MLLT3: variants seen among roughly 807,000 people sequenced by gnomAD.
MLLT3 encodes the protein protein AF-9.
In MLLT3, 4 loss-of-function variants were observed where a neutral mutation model predicts 53.2. The observed-to-expected ratio is 0.08, with a 90% confidence interval of 0.04 to 0.17. The LOEUF (loss-of-function observed/expected upper bound fraction) is 0.17. Ranked by LOEUF, MLLT3 falls within the 10% of genes least tolerant of loss-of-function variation. The pLI is 1.00. For missense variants in MLLT3, 569 were observed against 684.0 expected, an observed-to-expected ratio of 0.83 and a Z score of 1.87; for synonymous variants, 283 against 230.6, an observed-to-expected ratio of 1.23 and a Z score of -2.06.
At chr9:20,587,828 A>T (rs1259249816) in intron 2 of MLLT3, among the ~76,000 whole-genome samples, 1 of 152,146 alleles carries the variant, frequency 6.6e-6, no homozygotes, top group Non-Finnish European at 1.5e-5. Context: ...TTTGCTGTGC[A>T]GAAGCTCTTT....
Position 20,592,685 on chromosome 9 carries a change from T to C in MLLT3, c.193+27969A>G, listed in dbSNP as rs540706939. ...TGGCTATAATTTTTATAACTTAAAG[T>C]AATCATTACTTCAAAAACTTTGAAA... On this transcript the variant is annotated intron_variant, in intron 2 of 10. Coordinates refer to ENST00000380338, the MANE Select transcript of MLLT3 (RefSeq NM_004529.4). Among the ~76,000 whole-genome samples the C allele has an allele frequency of 3.3e-5, 5 of 152,234 alleles. No individual in the cohort carries two copies. In the South Asian group the frequency reaches 8.3e-4, roughly 25 times the overall value.
At chr9:20,584,521 G>C (rs1334434478) in intron 2 of MLLT3, among the ~76,000 whole-genome samples, 2 of 152,140 alleles carry the variant, frequency 1.3e-5, no homozygotes. Context: ...GGTTTAATTG[G>C]ACTTACAGTT....
At chr9:20,355,846 T>C (rs1821158910) in intron 8 of MLLT3, among the ~76,000 whole-genome samples, 2 of 152,244 alleles carry the variant, frequency 1.3e-5, no homozygotes, top group Non-Finnish European at 2.9e-5. Context: ...TTTATATTCC[T>C]ACTGTTCTCT....
intron 2 of MLLT3, among the ~76,000 whole-genome samples, chr9:20,582,956 C>G (rs1819838890): frequency 6.6e-6 from 1 of 152,208 alleles, no homozygotes; most frequent in South Asian, 2.1e-4. Flanking sequence ...CATGCCTTCC[C>G]AATACTCCCC....
At chr9:20,566,054 T>A (rs11791557) in intron 2 of MLLT3, among the ~76,000 whole-genome samples, 36 of 106,040 alleles carry the variant, frequency 3.4e-4, no homozygotes, top group Non-Finnish European at 2.1e-4. Context: ...ATATATATAT[T>A]TATATATATA....
chr9:20,346,427 TC>T lies in MLLT3; in HGVS notation c.*15del, dbSNP rs1563930275. 6.5e-7 allele frequency: 1 copy of T among 1,536,976 alleles called. No homozygotes were observed. The highest frequency in any genetic ancestry group is 2.3e-5 in the East Asian group (1 of 43,196). ...AAAAAACACAATAGTTCTTGATGCA[TC>T]CAGTTGTTATATCCTCAGGATGTTC... is the stretch of plus-strand genomic sequence containing the variant. On this transcript the variant is annotated 3_prime_UTR_variant, in exon 11 of 11. Coordinates refer to ENST00000380338, the MANE Select transcript of MLLT3 (RefSeq NM_004529.4).
At chr9:20,537,382 T>A (rs1818515553) in intron 2 of MLLT3, among the ~76,000 whole-genome samples, 1 of 152,228 alleles carries the variant, frequency 6.6e-6, no homozygotes, top group African/African-American at 2.4e-5. Flanking sequence ...GTATTCTTTT[T>A]GTACAAGAAA....
At chr9:20,609,392 C>G (rs910993378) in intron 2 of MLLT3, among the ~76,000 whole-genome samples, 2 of 152,052 alleles carry the variant, frequency 1.3e-5, no homozygotes, top group African/African-American at 4.8e-5. Flanking sequence ...ATACTTTCTT[C>G]TAATCTGTTC....
rs7866315 is a variant in MLLT3 at position 20,445,349 on chromosome 9, A to T, written c.420+2774T>A. 5.6e-3 allele frequency among the ~76,000 whole-genome samples: 850 copies of T among 152,266 alleles called. 8 individuals are homozygous for T. The highest frequency in any genetic ancestry group is 0.019 in the African/African-American group (802 of 41,546). ...AAACACAGGGTATATTTCTTCCAAG[A>T]GGGACATACACCAAGTTTTGAGACT... On this transcript the variant is annotated intron_variant, in intron 4 of 10. Coordinates refer to ENST00000380338, the MANE Select transcript of MLLT3 (RefSeq NM_004529.4).
intron 4 of MLLT3, among the ~76,000 whole-genome samples, chr9:20,445,482 A>T (rs1221769000): frequency 1.3e-5 from 2 of 152,208 alleles, no homozygotes; most frequent in South Asian, 2.1e-4. Flanking sequence ...TAGATTATGA[A>T]GTAGAAAAAA....
At chr9:20,586,466 C>T (rs900917125) in intron 2 of MLLT3, among the ~76,000 whole-genome samples, 1 of 151,420 alleles carries the variant, frequency 6.6e-6, no homozygotes, top group African/African-American at 2.4e-5. Context: ...TCACTGACTT[C>T]GTACATAACC....
In MLLT3 at chr9:20,413,995, C is replaced by T. The variant is rs1181780515; in HGVS notation, c.851G>A (p.Arg284Lys). The T allele has an allele frequency of 6.2e-7, 1 of 1,613,986 alleles. No individual in the cohort carries two copies. Among genetic ancestry groups the T allele is most frequent in the African/African-American group, 1.3e-5 (1 of 74,912 alleles). ...SGQDKKAPSK[R>K]PPISDSEELS... Reference sequence around the variant, plus strand: ...TTCTTCAGAATCTGAAATGGGCGGCCTTTTACTAGGAGCCTTCTTATCTTG... The same window carrying T: ...TTCTTCAGAATCTGAAATGGGCGGCTTTTTACTAGGAGCCTTCTTATCTTG... The change falls in exon 5 of 11, where the codon AGG (arginine) becomes AAG (lysine). Residue 284 changes from arginine to lysine, a missense_variant. Transcript: ENST00000380338.
intron 2 of MLLT3, among the ~76,000 whole-genome samples, chr9:20,568,926 G>T (rs966160235): frequency 6.6e-6 from 1 of 152,022 alleles, no homozygotes; most frequent in African/African-American, 2.4e-5. Flanking sequence ...AAGAATTTAA[G>T]AATCACATCT....
At chr9:20,540,207 C>T (rs1818593639) in intron 2 of MLLT3, among the ~76,000 whole-genome samples, 1 of 152,222 alleles carries the variant, frequency 6.6e-6, no homozygotes, top group Non-Finnish European at 1.5e-5. Context: ...TGTTGAGTGT[C>T]TGCAGCTTTT....
intron 2 of MLLT3, among the ~76,000 whole-genome samples, chr9:20,463,362 C>T (rs1387131085): frequency 6.6e-6 from 1 of 152,038 alleles, no homozygotes. Context: ...GTTAGCAAAG[C>T]CCATGTAGCT....
intron 2 of MLLT3, among the ~76,000 whole-genome samples, chr9:20,605,849 C>T (rs1448472797): frequency 6.6e-6 from 1 of 152,040 alleles, no homozygotes; most frequent in Non-Finnish European, 1.5e-5. Context: ...CTCACTTCAA[C>T]TATTAAGCAT....
intron 2 of MLLT3, among the ~76,000 whole-genome samples, chr9:20,565,922 T>TTATATATATATATATTTA (rs1563820321): frequency 1.0e-5 from 1 of 97,658 alleles, no homozygotes; most frequent in South Asian, 2.9e-4. Context: ...ATATATATAT[T>TTATATATATATATATTTA]TATATATATA....
intron 10 of MLLT3, 56 bp downstream of exon 10, chr9:20,353,469 G>C (rs1030233969): frequency 6.7e-7 from 1 of 1,501,548 alleles, no homozygotes; most frequent in African/African-American, 1.4e-5. Context: ...CACTACTGCA[G>C]GACAAACCAA....
At chr9:20,561,047 A>C (rs1278081327) in intron 2 of MLLT3, among the ~76,000 whole-genome samples, 1 of 152,164 alleles carries the variant, frequency 6.6e-6, no homozygotes, top group African/African-American at 2.4e-5. Context: ...CTGAAAAGCA[A>C]AGGGACCAGG....
Sources: allele counts gnomAD v4.1 joint callset (sites outside exome capture counted in the v4.1 genomes callset), GRCh38; gene constraint gnomAD v4.1.1; transcripts MANE v1.5; gene names NCBI Gene and HGNC (gene_info 2026-07-23, HGNC 2026-07-21).